NEGR1: variants seen among roughly 807,000 people sequenced by gnomAD.
The protein encoded by NEGR1 is neuronal growth regulator 1.
In NEGR1, 10 loss-of-function variants were observed where a neutral mutation model predicts 40.9. The ratio of observed to expected loss-of-function variants is 0.24; its 90% CI spans 0.15 to 0.42. NEGR1 has a LOEUF of 0.42. Ranked by LOEUF, NEGR1 falls within the 10% of genes least tolerant of loss-of-function variation. The pLI is 1.00. For synonymous variants in NEGR1, 185 were observed against 166.8 expected, an observed-to-expected ratio of 1.11 and a Z score of -0.84; for missense variants, 352 against 438.9, an observed-to-expected ratio of 0.80 and a Z score of 1.77.
intron 1 of NEGR1, among the ~76,000 whole-genome samples, chr1:72,160,033 T>G (rs539140634): frequency 8.5e-5 from 13 of 152,294 alleles, no homozygotes; most frequent in African/African-American, 3.1e-4. Flanking sequence ...GTCTGCATAC[T>G]TTTGATAACT....
At chr1:72,070,374 C>T (rs1003586273) in intron 1 of NEGR1, among the ~76,000 whole-genome samples, 15 of 151,774 alleles carry the variant, frequency 9.9e-5, no homozygotes, top group African/African-American at 1.7e-4. Flanking sequence ...CCTAAAGAGT[C>T]GTAGGAGTAG....
chr1:71,657,504 G>T (rs1332637162), intron 4 of NEGR1, among the ~76,000 whole-genome samples: 3 of 152,082 alleles, frequency 2.0e-5, no homozygotes, highest in Non-Finnish European at 2.9e-5. Flanking sequence ...GAAACATTTA[G>T]TTTTTTTCTC....
chr1:71,666,312 G>C (rs1376435203), intron 4 of NEGR1, among the ~76,000 whole-genome samples: 1 of 152,072 alleles, frequency 6.6e-6, no homozygotes, highest in Non-Finnish European at 1.5e-5. Context: ...AAAAACACGG[G>C]TCTCAAACGA....
At chr1:71,994,323 T>A (rs1646483215) in intron 1 of NEGR1, among the ~76,000 whole-genome samples, 1 of 151,946 alleles carries the variant, frequency 6.6e-6, no homozygotes, top group Non-Finnish European at 1.5e-5. Flanking sequence ...GGTCAGGCAA[T>A]GGAAACCATC....
chr1:72,172,208 G>T (rs186277416), intron 1 of NEGR1, among the ~76,000 whole-genome samples: 1 of 152,166 alleles, frequency 6.6e-6, no homozygotes, highest in East Asian at 1.9e-4. Context: ...GCCCGAAATA[G>T]AATTTCTTCC....
In NEGR1 at chr1:71,775,101, A is replaced by G. The variant is rs572207393; in HGVS notation, c.535+1071T>C. ...GTTTGAAATCAGACCCAGCAAACTC[A>G]TAATTTGATTAACTTTATTCTCCCC... On this transcript the variant is annotated intron_variant, in intron 3 of 6. Transcript: ENST00000357731. Among the ~76,000 whole-genome samples, 74 of 152,312 alleles carry G rather than the reference A, an allele frequency of 4.9e-4. 1 individual carries two copies. The South Asian group carries it at 0.014, about 29-fold the overall frequency.
chr1:71,858,911 T>G (rs990736830), intron 2 of NEGR1, among the ~76,000 whole-genome samples: 1 of 152,164 alleles, frequency 6.6e-6, no homozygotes, highest in African/African-American at 2.4e-5. Context: ...CCACCAATGC[T>G]GCTCCTATTT....
intron 3 of NEGR1, among the ~76,000 whole-genome samples, chr1:71,746,824 T>C (rs531619113): frequency 6.6e-6 from 1 of 152,178 alleles, no homozygotes; most frequent in African/African-American, 2.4e-5. Flanking sequence ...AAGAAATGTA[T>C]GAATGTTTTC....
intron 1 of NEGR1, among the ~76,000 whole-genome samples, chr1:72,170,622 T>C (rs1230486800): frequency 1.3e-5 from 2 of 152,220 alleles, no homozygotes; most frequent in Non-Finnish European, 2.9e-5. Context: ...ATGTTGATTT[T>C]CAATGAGCAA....
intron 4 of NEGR1, among the ~76,000 whole-genome samples, chr1:71,627,658 A>T (rs915931767): frequency 6.6e-6 from 1 of 152,038 alleles, no homozygotes; most frequent in Non-Finnish European, 1.5e-5. Context: ...GGGCTAAGAA[A>T]GACTCTTCAT....
At chr1:71,981,324 C>T (rs899324725) in intron 1 of NEGR1, among the ~76,000 whole-genome samples, 1 of 152,026 alleles carries the variant, frequency 6.6e-6, no homozygotes, top group Non-Finnish European at 1.5e-5. Context: ...GGATACAATG[C>T]CCAGTAGGAG....
chr1:71,868,989 C>T (rs1271407210), intron 2 of NEGR1, among the ~76,000 whole-genome samples: 1 of 152,148 alleles, frequency 6.6e-6, no homozygotes, highest in Non-Finnish European at 1.5e-5. Flanking sequence ...AGGAATACAT[C>T]ATCAATTCCA....
intron 4 of NEGR1, among the ~76,000 whole-genome samples, chr1:71,686,274 T>C (rs1412476909): frequency 1.3e-5 from 2 of 152,012 alleles, no homozygotes; most frequent in Non-Finnish European, 2.9e-5. Flanking sequence ...TGGGAACAAA[T>C]AGACTCAAAC....
At chr1:72,263,343 TAA>T (rs1182446953) in intron 1 of NEGR1, among the ~76,000 whole-genome samples, 1 of 151,594 alleles carries the variant, frequency 6.6e-6, no homozygotes, top group South Asian at 2.1e-4. Flanking sequence ...CAGATTTTTT[TAA>T]AAGAGTGCTG....
In NEGR1 at chr1:72,175,743, A is replaced by C. The variant is rs145438299; in HGVS notation, c.176+106576T>G. Among the ~76,000 whole-genome samples the C allele has an allele frequency of 1.0e-3, 159 of 152,184 alleles. 1 individual carries two copies. Among genetic ancestry groups the C allele is most frequent in the African/African-American group, 3.8e-3 (158 of 41,558 alleles). On this transcript the variant is annotated intron_variant, in intron 1 of 6. Transcript: ENST00000357731. The stretch of plus-strand genomic sequence containing the variant: ...ATTCTCCATCTGTAAGAAAATTATT[A>C]ATAATAATTTTAGAAGTATTACAGA...
At chr1:72,168,836 G>C (rs1172424276) in intron 1 of NEGR1, among the ~76,000 whole-genome samples, 2 of 152,244 alleles carry the variant, frequency 1.3e-5, no homozygotes, top group East Asian at 3.9e-4. Context: ...AGAGGCAGAG[G>C]CTGCAGTGAG....
At chr1:71,436,410 T>G (rs1165687381) in intron 6 of NEGR1, among the ~76,000 whole-genome samples, 1 of 152,170 alleles carries the variant, frequency 6.6e-6, no homozygotes, top group Non-Finnish European at 1.5e-5. Flanking sequence ...GAAAACAAAT[T>G]GACACTAGAC....
chr1:72,075,159 C>T (rs1647666241), intron 1 of NEGR1, among the ~76,000 whole-genome samples: 1 of 151,982 alleles, frequency 6.6e-6, no homozygotes, highest in Admixed American at 6.6e-5. Context: ...TTCAAACCAC[C>T]ACATAGATAT....
intron 2 of NEGR1, among the ~76,000 whole-genome samples, chr1:71,870,301 C>A (rs1197296073): frequency 6.6e-6 from 1 of 152,084 alleles, no homozygotes; most frequent in Non-Finnish European, 1.5e-5. Flanking sequence ...AGACCTGCTA[C>A]AAAAAGCTAT....
Sources: allele counts gnomAD v4.1 joint callset (sites outside exome capture counted in the v4.1 genomes callset), GRCh38; gene constraint gnomAD v4.1.1; transcripts MANE v1.5; gene names NCBI Gene and HGNC (gene_info 2026-07-23, HGNC 2026-07-21).